TRERF1: variants seen among roughly 807,000 people sequenced by gnomAD.
TRERF1 encodes the protein transcriptional regulating factor 1, also known as transcriptional-regulating factor 1.
In TRERF1, 27 loss-of-function variants were observed where a neutral mutation model predicts 122.9. The observed-to-expected ratio is 0.22, with a 90% CI of 0.16 to 0.30. The LOEUF is 0.30. Among genes scored for constraint, TRERF1 ranks in the 10% least tolerant of loss-of-function variants. The probability of loss-of-function intolerance (pLI) is 1.00; values close to 1 mark genes in which losing one functional copy is unlikely to be tolerated. For synonymous variants in TRERF1, 636 were observed against 641.7 expected, an observed-to-expected ratio of 0.99 and a Z score of 0.13; for missense variants, 1,248 against 1,560.3, an observed-to-expected ratio of 0.80 and a Z score of 3.37.
chr6:42,349,231 C>T (rs1768931553), intron 3 of TRERF1, among the ~76,000 whole-genome samples: 1 of 152,000 alleles, frequency 6.6e-6, no homozygotes. Flanking sequence ...TCAGGGGCAA[C>T]TAAACTCAAT....
At chr6:42,443,487 A>G (rs1365256122) in intron 2 of TRERF1, among the ~76,000 whole-genome samples, 3 of 152,230 alleles carry the variant, frequency 2.0e-5, no homozygotes, top group Non-Finnish European at 4.4e-5. Flanking sequence ...CTTATTTGCA[A>G]AACAAACACT....
intron 2 of TRERF1, among the ~76,000 whole-genome samples, chr6:42,400,120 A>C (rs1779177072): frequency 6.6e-6 from 1 of 152,250 alleles, no homozygotes; most frequent in Non-Finnish European, 1.5e-5. Flanking sequence ...CACTGGATCC[A>C]GTCGTCTCCA....
exon 13 of TRERF1, chr6:42,254,876 A>T: frequency 6.2e-7 from 1 of 1,614,210 alleles, no homozygotes; most frequent in Non-Finnish European, 8.5e-7. Context: ...TTGCTAAAGG[A>T]TGACATTTTA....
At chr6:42,264,625 A>G in intron 7 of TRERF1, 79 bp downstream of exon 7, 3 of 1,564,954 alleles carry the variant, frequency 1.9e-6, no homozygotes, top group South Asian at 1.2e-5. Flanking sequence ...TGGGGCTCAC[A>G]TCACTCTCTG....
At chr6:42,374,447 C>A (rs1201421939) in intron 2 of TRERF1, among the ~76,000 whole-genome samples, 2 of 152,190 alleles carry the variant, frequency 1.3e-5, no homozygotes, top group African/African-American at 4.8e-5. Flanking sequence ...TCCTTCTGGC[C>A]GAGGGGAGGT....
At chr6:42,376,699 C>T (rs1252032332) in intron 2 of TRERF1, among the ~76,000 whole-genome samples, 2 of 148,494 alleles carry the variant, frequency 1.3e-5, no homozygotes, top group Admixed American at 6.7e-5. Flanking sequence ...CATACCACCA[C>T]GCCCAGCTAA....
At chr6:42,255,022 T>A (rs1776480118) in intron 12 of TRERF1, 96 bp from the exon 13 acceptor site, 1 of 1,293,740 alleles carries the variant, frequency 7.7e-7, no homozygotes, top group Admixed American at 1.7e-5. Flanking sequence ...GTTAGCACTG[T>A]GGAGGTCAGG....
At chr6:42,406,109 T>A (rs994145284) in intron 2 of TRERF1, among the ~76,000 whole-genome samples, 6 of 152,178 alleles carry the variant, frequency 3.9e-5, no homozygotes, top group Non-Finnish European at 8.8e-5. Flanking sequence ...AAGTTAGTCA[T>A]CCTCATTTTA....
In TRERF1 at chr6:42,374,182, G is replaced by A. The variant is rs537816831; in HGVS notation, c.-453-11103C>T. Among the ~76,000 whole-genome samples the A allele has an allele frequency of 1.6e-4, 23 of 146,930 alleles. No homozygotes were observed. In the East Asian group the frequency reaches 3.9e-3, roughly 25 times the overall value. ...AAGAAGAAGAAGAAGAAGAAGAAGG[G>A]GAAGAGCCTGCTAAGCCTTAGAATG... On this transcript the variant is annotated intron_variant, in intron 2 of 17. Coordinates refer to ENST00000372922, the Ensembl canonical transcript of TRERF1.
chr6:42,294,256 A>T (rs1238624035), intron 4 of TRERF1, among the ~76,000 whole-genome samples: 1 of 143,266 alleles, frequency 7.0e-6, no homozygotes, highest in Non-Finnish European at 1.5e-5. Context: ...ATCTCAGCTC[A>T]CTGCAACCTC....
intron 2 of TRERF1, among the ~76,000 whole-genome samples, chr6:42,406,530 C>T (rs1176397493): frequency 1.3e-5 from 2 of 152,198 alleles, no homozygotes; most frequent in Non-Finnish European, 2.9e-5. Context: ...TCACAGGTTG[C>T]AATCGGGCTC....
At chr6:42,252,027 G>A (rs1334967120) in intron 13 of TRERF1, among the ~76,000 whole-genome samples, 2 of 152,232 alleles carry the variant, frequency 1.3e-5, no homozygotes, top group Non-Finnish European at 2.9e-5. Flanking sequence ...GGGAACCACT[G>A]CACACAACTG....
intron 3 of TRERF1, among the ~76,000 whole-genome samples, chr6:42,308,801 G>A (rs1466344263): frequency 6.6e-6 from 1 of 152,152 alleles, no homozygotes; most frequent in African/African-American, 2.4e-5. Context: ...GAGGGCAGGA[G>A]GAGGGAGAGG....
intron 2 of TRERF1, among the ~76,000 whole-genome samples, chr6:42,444,779 T>C (rs1443390485): frequency 6.6e-6 from 1 of 152,172 alleles, no homozygotes. Context: ...CCTCTTTCCC[T>C]TGTGCACATC....
At chr6:42,234,184 C>T (rs1771532295) in intron 16 of TRERF1, among the ~76,000 whole-genome samples, 2 of 152,108 alleles carry the variant, frequency 1.3e-5, no homozygotes, top group South Asian at 2.1e-4. Context: ...TCAGAACCAC[C>T]GCTATAAAGG....
intron 2 of TRERF1, among the ~76,000 whole-genome samples, chr6:42,447,851 C>T (rs1787808456): frequency 6.6e-5 from 10 of 152,088 alleles, no homozygotes; most frequent in Admixed American, 6.5e-4. Context: ...ATTACAGACC[C>T]CCACCATCAT....
intron 15 of TRERF1, among the ~76,000 whole-genome samples, chr6:42,241,986 T>C (rs1773828290): frequency 6.6e-6 from 1 of 152,188 alleles, no homozygotes; most frequent in Admixed American, 6.5e-5. Flanking sequence ...TCCCAGCTAC[T>C]CAGGTGGCTG....
chr6:42,303,216 G>A (rs1786529523), intron 3 of TRERF1, among the ~76,000 whole-genome samples: 2 of 152,188 alleles, frequency 1.3e-5, no homozygotes, highest in African/African-American at 4.8e-5. Flanking sequence ...AGACCAGTGT[G>A]TTCCCTACCT....
chr6:42,292,706 C>T (rs571753159), intron 4 of TRERF1, among the ~76,000 whole-genome samples: 1 of 152,088 alleles, frequency 6.6e-6, no homozygotes, highest in Non-Finnish European at 1.5e-5. Flanking sequence ...GGATATGGCT[C>T]TCAAGCAGTT....
Sources: gnomAD v4.1 joint callset for allele counts (sites outside exome capture counted in the v4.1 genomes callset) on GRCh38, gnomAD v4.1.1 for gene constraint, MANE v1.5 for transcripts, NCBI Gene and HGNC (gene_info 2026-07-23, HGNC 2026-07-21) for gene names.